IQCK: variants seen among roughly 807,000 people sequenced by gnomAD.
IQCK encodes IQ domain-containing protein K.
A neutral mutation model predicts 28.1 loss-of-function variants in IQCK; 29 were observed. The observed-to-expected ratio is 1.03, with a 90% CI of 0.77 to 1.41. The LOEUF (loss-of-function observed/expected upper bound fraction) is 1.41. Ranked by LOEUF, IQCK falls within the 40% of genes most tolerant of loss-of-function variation. The probability of loss-of-function intolerance (pLI) is 0.00; values close to 1 mark genes in which losing one functional copy is unlikely to be tolerated. For synonymous variants in IQCK, 113 were observed against 115.1 expected (o/e 0.98, Z 0.12); for missense variants, 359 against 314.7 (o/e 1.14, Z -1.07).
chr16:19,748,072 C>CTTTTTTTTT (rs61573221), intron 4 of IQCK, among the ~76,000 whole-genome samples: 1 of 117,214 alleles, frequency 8.5e-6, no homozygotes, highest in African/African-American at 3.5e-5. Context: ...GGCTCAAATT[C>CTTTTTTTTT]TTTTTTTTTT....
chr16:19,846,396 C>A (rs1447021541), intron 9 of IQCK, among the ~76,000 whole-genome samples: 1 of 152,158 alleles, frequency 6.6e-6, no homozygotes, highest in Admixed American at 6.5e-5. Flanking sequence ...TAAAAACAAG[C>A]CTTTTATTGA....
At chr16:19,838,740 C>T (rs867131718) in intron 9 of IQCK, among the ~76,000 whole-genome samples, 1 of 152,076 alleles carries the variant, frequency 6.6e-6, no homozygotes, top group Non-Finnish European at 1.5e-5. Context: ...ATTGCCCAGC[C>T]GGGCACAGTG....
At chr16:19,720,872 G>A (rs1443192319) in intron 1 of IQCK, among the ~76,000 whole-genome samples, 1 of 152,090 alleles carries the variant, frequency 6.6e-6, no homozygotes, top group Non-Finnish European at 1.5e-5. Context: ...TAAAAACTAA[G>A]TCAGGCTTGG....
intron 6 of IQCK, among the ~76,000 whole-genome samples, chr16:19,780,117 C>T (rs1597552355): frequency 6.6e-6 from 1 of 151,810 alleles, no homozygotes; most frequent in Admixed American, 6.6e-5. Context: ...TCTCAGCTCA[C>T]AGCAACTTCC....
At chr16:19,742,618 A>G (rs574236934) in intron 4 of IQCK, among the ~76,000 whole-genome samples, 3 of 152,340 alleles carry the variant, frequency 2.0e-5, no homozygotes, top group South Asian at 2.1e-4. Flanking sequence ...CTTGCATCCA[A>G]TTGGCTCTTA....
intron 9 of IQCK, among the ~76,000 whole-genome samples, chr16:19,849,989 G>T (rs190959700): frequency 6.6e-6 from 1 of 152,154 alleles, no homozygotes; most frequent in African/African-American, 2.4e-5. Flanking sequence ...GTGCTGCACC[G>T]TATTTTCCCA....
At chr16:19,837,082 C>T (rs1048511443) in intron 9 of IQCK, among the ~76,000 whole-genome samples, 7 of 152,126 alleles carry the variant, frequency 4.6e-5, no homozygotes. Flanking sequence ...GCAAAGCATT[C>T]AACATATCAT....
chr16:19,733,199 G>A (rs1440871072), intron 2 of IQCK, among the ~76,000 whole-genome samples: 1 of 151,722 alleles, frequency 6.6e-6, no homozygotes, highest in African/African-American at 2.4e-5. Flanking sequence ...GTGCAATGGT[G>A]TGATCTCAGC....
chr16:19,740,926 C>T (rs143615935), intron 4 of IQCK, among the ~76,000 whole-genome samples: 2 of 151,224 alleles, frequency 1.3e-5, no homozygotes, highest in African/African-American at 4.9e-5. Context: ...CAAGATCGTG[C>T]CACTGCACTC....
At chr16:19,844,228 T>A (rs1284688169) in intron 9 of IQCK, among the ~76,000 whole-genome samples, 1 of 152,022 alleles carries the variant, frequency 6.6e-6, no homozygotes, top group Non-Finnish European at 1.5e-5. Context: ...TACAGGCACC[T>A]GCCACCACGC....
chr16:19,799,597 TACAC>T (rs529119301), intron 7 of IQCK, among the ~76,000 whole-genome samples: 11,024 of 111,422 alleles, frequency 0.099, 1,032 homozygotes, highest in South Asian at 0.24. Context: ...TATATATATA[TACAC>T]ACACACACAC....
chr16:19,721,587 CTTTT>C (rs56747844), intron 1 of IQCK, among the ~76,000 whole-genome samples: 2 of 137,724 alleles, frequency 1.5e-5, no homozygotes, highest in Non-Finnish European at 3.1e-5. Flanking sequence ...TAACAGTTTC[CTTTT>C]TTTTTTTTTT....
intron 1 of IQCK, among the ~76,000 whole-genome samples, chr16:19,729,808 C>G (rs1259651914): frequency 6.6e-6 from 1 of 151,370 alleles, no homozygotes; most frequent in East Asian, 2.0e-4. Flanking sequence ...CCATGCCCAG[C>G]TAATTTTTTG....
At chr16:19,851,884 G>A (rs1367204217) in intron 9 of IQCK, among the ~76,000 whole-genome samples, 1 of 152,008 alleles carries the variant, frequency 6.6e-6, no homozygotes, top group South Asian at 2.1e-4. Flanking sequence ...TCCTCCCTCC[G>A]CTGATCAAGT....
chr16:19,846,606 T>C (rs973781875), intron 9 of IQCK, among the ~76,000 whole-genome samples: 8 of 152,214 alleles, frequency 5.3e-5, no homozygotes, highest in Admixed American at 5.2e-4. Flanking sequence ...TACTGCTCAT[T>C]CAAGGCTGTC....
At chr16:19,805,220 G>C (rs2055819033) in intron 7 of IQCK, among the ~76,000 whole-genome samples, 1 of 132,992 alleles carries the variant, frequency 7.5e-6, no homozygotes, top group African/African-American at 4.0e-5. Flanking sequence ...CAGGTGAAGA[G>C]AGATGGCATC....
downstream of IQCK, among the ~76,000 whole-genome samples, chr16:19,828,823 C>T (rs1223540562): frequency 6.9e-6 from 1 of 145,114 alleles, no homozygotes; most frequent in Admixed American, 7.1e-5. Context: ...TGCACTTCAG[C>T]CTAGGCAACA....
At chr16:19,842,516 T>A (rs1468197989) in intron 9 of IQCK, among the ~76,000 whole-genome samples, 1 of 152,210 alleles carries the variant, frequency 6.6e-6, no homozygotes. Context: ...CTTTAACATC[T>A]TCTGTAAAAT....
chr16:19,738,621 C>T (rs2054788426), intron 4 of IQCK, among the ~76,000 whole-genome samples: 1 of 152,152 alleles, frequency 6.6e-6, no homozygotes, highest in Non-Finnish European at 1.5e-5. Context: ...ATAGCACCTG[C>T]TCATGGGATT....
Sources: gnomAD v4.1 joint callset for allele counts (sites outside exome capture counted in the v4.1 genomes callset) on GRCh38, gnomAD v4.1.1 for gene constraint, MANE v1.5 for transcripts, NCBI Gene and HGNC (gene_info 2026-07-23, HGNC 2026-07-21) for gene names.